KCNT2: variants seen among roughly 807,000 people sequenced by gnomAD.
KCNT2 encodes the protein potassium sodium-activated channel subfamily T member 2.
Under a neutral mutation model 153.8 loss-of-function variants are expected in KCNT2, and 67 were observed. The ratio of observed to expected loss-of-function variants is 0.44; its 90% confidence interval spans 0.36 to 0.53. The LOEUF (loss-of-function observed/expected upper bound fraction) is 0.53, where lower values mean the gene tolerates loss of function less well. Ranked by LOEUF, KCNT2 falls within the 20% of genes least tolerant of loss-of-function variation. The probability of loss-of-function intolerance (pLI) is 0.00; values close to 1 mark genes in which losing one functional copy is unlikely to be tolerated. For synonymous variants in KCNT2, 500 were observed against 458.8 expected (o/e 1.09, Z -1.15); for missense variants, 975 against 1,354.8 (o/e 0.72, Z 4.40).
At chr1:196,374,322 G>A (rs958537431) in intron 13 of KCNT2, among the ~76,000 whole-genome samples, 1 of 151,752 alleles carries the variant, frequency 6.6e-6, no homozygotes, top group Non-Finnish European at 1.5e-5. Context: ...ATGGGAAATG[G>A]TTTAGCAAAT....
chr1:196,601,206 T>C (rs555939078), intron 1 of KCNT2, among the ~76,000 whole-genome samples: 1 of 152,216 alleles, frequency 6.6e-6, no homozygotes, highest in South Asian at 2.1e-4. Flanking sequence ...CAGCATCTTC[T>C]CATCCTTACA....
chr1:196,581,208 A>AAAAT (rs1197606244), intron 1 of KCNT2, among the ~76,000 whole-genome samples: 11 of 152,210 alleles, frequency 7.2e-5, no homozygotes, highest in African/African-American at 2.2e-4. Flanking sequence ...CTGTGGCAAG[A>AAAAT]AAATATGGGT....
intron 22 of KCNT2, among the ~76,000 whole-genome samples, chr1:196,299,474 C>A (rs1373147763): frequency 6.6e-6 from 1 of 152,052 alleles, no homozygotes; most frequent in Non-Finnish European, 1.5e-5. Context: ...CTGCTCATTT[C>A]TCCCCAAAAC....
intron 4 of KCNT2, 139 bp downstream of exon 4, chr1:196,482,192 T>G (rs576079105): frequency 2.1e-5 from 13 of 615,520 alleles, no homozygotes; most frequent in Middle Eastern, 5.8e-4. Context: ...GAAATGAAAA[T>G]GTTAGTCCAA....
At chr1:196,257,298 T>C in intron 26 of KCNT2, 3 of 983,062 alleles carry the variant, frequency 3.1e-6, no homozygotes, top group Non-Finnish European at 3.6e-6. Context: ...CAGAGGCAAC[T>C]TCTCTTAAAC....
At chr1:196,297,488 G>T (rs1375428786) in intron 22 of KCNT2, among the ~76,000 whole-genome samples, 2 of 151,944 alleles carry the variant, frequency 1.3e-5, no homozygotes, top group Non-Finnish European at 2.9e-5. Context: ...TGAAGACTTT[G>T]GGCTCATTAT....
intron 1 of KCNT2, among the ~76,000 whole-genome samples, chr1:196,523,317 A>C (rs1246859436): frequency 6.6e-6 from 1 of 152,188 alleles, no homozygotes; most frequent in Non-Finnish European, 1.5e-5. Context: ...GGTAACACTC[A>C]CCATGAGGGT....
intron 8 of KCNT2, among the ~76,000 whole-genome samples, chr1:196,446,504 G>A (rs1194913123): frequency 6.6e-6 from 1 of 151,188 alleles, no homozygotes; most frequent in African/African-American, 2.4e-5. Context: ...GGGCAGTAAG[G>A]GTAAAAATCT....
intron 8 of KCNT2, among the ~76,000 whole-genome samples, chr1:196,446,861 T>C (rs1335205797): frequency 6.6e-6 from 1 of 151,580 alleles, no homozygotes; most frequent in Non-Finnish European, 1.5e-5. Flanking sequence ...GTGTCTTCCT[T>C]CCACTTATGT....
intron 8 of KCNT2, among the ~76,000 whole-genome samples, chr1:196,436,552 T>C (rs781209814): frequency 3.3e-5 from 5 of 151,508 alleles, no homozygotes; most frequent in African/African-American, 4.8e-5. Context: ...ACATGCTACG[T>C]AAAGATTTGA....
At chr1:196,397,250 T>C (rs890152336) in intron 13 of KCNT2, among the ~76,000 whole-genome samples, 5 of 151,378 alleles carry the variant, frequency 3.3e-5, no homozygotes, top group African/African-American at 9.7e-5. Context: ...GTCATCACCA[T>C]ATATATTTAA....
At chr1:196,301,018 T>C (rs1661137578) in intron 22 of KCNT2, among the ~76,000 whole-genome samples, 1 of 152,176 alleles carries the variant, frequency 6.6e-6, no homozygotes, top group Admixed American at 6.5e-5. Context: ...GCCTAAAGTC[T>C]GGACCTGCCA....
chr1:196,544,388 G>A (rs182639493), intron 1 of KCNT2, among the ~76,000 whole-genome samples: 5 of 152,054 alleles, frequency 3.3e-5, no homozygotes, highest in Admixed American at 1.3e-4. Context: ...CTTTAGAAAT[G>A]TAAACTGGAA....
intron 8 of KCNT2, among the ~76,000 whole-genome samples, chr1:196,440,759 A>G (rs2148586129): frequency 6.6e-6 from 1 of 152,032 alleles, no homozygotes. Context: ...AACATTTAAA[A>G]AATTCTCCAT....
At chr1:196,229,498 G>A (rs1399379961) in intron 27 of KCNT2, among the ~76,000 whole-genome samples, 1 of 151,962 alleles carries the variant, frequency 6.6e-6, no homozygotes, top group Non-Finnish European at 1.5e-5. Context: ...AGTTAGATTA[G>A]TTAATAACCC....
chr1:196,520,519 C>T (rs1653224029), intron 1 of KCNT2, among the ~76,000 whole-genome samples: 1 of 151,762 alleles, frequency 6.6e-6, no homozygotes. Flanking sequence ...TCAAACTATC[C>T]CTGTTTGTAG....
chr1:196,431,442 C>A (rs1292419487), intron 8 of KCNT2, among the ~76,000 whole-genome samples: 1 of 152,016 alleles, frequency 6.6e-6, no homozygotes, highest in African/African-American at 2.4e-5. Flanking sequence ...GAGCCTAACT[C>A]TTCTTATAGA....
At chr1:196,544,572 GA>G (rs1656824438) in intron 1 of KCNT2, among the ~76,000 whole-genome samples, 1 of 152,048 alleles carries the variant, frequency 6.6e-6, no homozygotes, top group African/African-American at 2.4e-5. Context: ...TCGTAAATGG[GA>G]TTGCATTTAG....
At chr1:196,447,668 G>T (rs553358452) in intron 8 of KCNT2, among the ~76,000 whole-genome samples, 2 of 151,730 alleles carry the variant, frequency 1.3e-5, no homozygotes, top group Admixed American at 6.6e-5. Context: ...TACTCAGTGT[G>T]AAGAAAGGGG....
Sources: gnomAD v4.1 joint callset for allele counts (sites outside exome capture counted in the v4.1 genomes callset) on GRCh38, gnomAD v4.1.1 for gene constraint, MANE v1.5 for transcripts, NCBI Gene and HGNC (gene_info 2026-07-23, HGNC 2026-07-21) for gene names.